TADA2A: variants seen among roughly 807,000 people sequenced by gnomAD.
The protein encoded by TADA2A is transcriptional adapter 2-alpha.
In TADA2A, 38 loss-of-function variants were observed where a neutral mutation model predicts 67.4. That is an observed-to-expected ratio of 0.56 (90% CI 0.44 to 0.74). TADA2A has a LOEUF of 0.74. Among genes scored for constraint, TADA2A ranks in the 30% least tolerant of loss-of-function variants. The pLI, the probability that TADA2A is intolerant of heterozygous loss-of-function variation, is 0.00. For synonymous variants in TADA2A, 192 were observed against 181.6 expected (o/e 1.06, Z -0.46); for missense variants, 454 against 547.0 (o/e 0.83, Z 1.70).
chr17:37,440,732 G>A lies in TADA2A; in HGVS notation c.442+70G>A, dbSNP rs572635978. The A allele has an allele frequency of 1.1e-4, 171 of 1,561,692 alleles. 1 individual carries two copies. The highest frequency in any genetic ancestry group is 1.5e-4 in the Non-Finnish European group (170 of 1,143,808). On this transcript the variant is annotated intron_variant, in intron 6 of 15. Transcript: ENST00000615182. ...GGGCCCTGTTTCAGTAGCAGATAAA[G>A]AGTGATTTGATGACTTGGACAGCTA... is the stretch of plus-strand genomic sequence containing the variant.
rs1004539539 is a variant in TADA2A, at chr17:37,406,944, G to C, written c.-103G>C. On this transcript the variant is annotated 5_prime_UTR_variant, in exon 1 of 16. Coordinates refer to ENST00000615182, the MANE Select transcript of TADA2A (RefSeq NM_001166105.3). ...TCTTTGGCGCGGATTAGGGGGTCTC[G>C]GCGAGGTGAGGCGCCAGGCAGCGCT... 11 of 119,756 alleles carry C rather than the reference G, an allele frequency of 9.2e-5. No homozygotes were observed. The highest frequency in any genetic ancestry group is 1.7e-4 in the Non-Finnish European group (10 of 58,010). 7.4% of individuals were successfully genotyped at this position (119,756 alleles called of 1,614,324 possible).
At chr17:37,459,247 C>CTTT (rs34871036) in intron 9 of TADA2A, among the ~76,000 whole-genome samples, 2 of 146,198 alleles carry the variant, frequency 1.4e-5, no homozygotes, top group African/African-American at 5.0e-5. Context: ...TATTGTTACA[C>CTTT]TTTTTTTTTT....
intron 3 of TADA2A, chr17:37,426,665 G>GAA (rs71135723): frequency 6.9e-4 from 84 of 121,530 alleles, no homozygotes; most frequent in South Asian, 2.1e-3. Context: ...CTCCGTCTCA[G>GAA]AAAAAAAAAA....
rs756556919 is a variant in TADA2A at position 37,427,017 on chromosome 17, TGAA to T, written c.192+10_192+12del. The T allele has an allele frequency of 6.4e-7, 1 of 1,571,396 alleles. No individual in the cohort carries two copies. The highest frequency in any genetic ancestry group is 1.2e-5 in the South Asian group (1 of 82,216). ...CATACTTATGAAATAATGGTAATGA[TGAA>T]GTTGCTGGGAATTTCTGTTCACTTT... On this transcript the variant is annotated intron_variant, in intron 4 of 15. Coordinates refer to ENST00000615182, the MANE Select transcript of TADA2A (RefSeq NM_001166105.3).
At chr17:37,410,106 A>G (rs1344785602) in intron 1 of TADA2A, among the ~76,000 whole-genome samples, 1 of 152,018 alleles carries the variant, frequency 6.6e-6, no homozygotes, top group African/African-American at 2.4e-5. Flanking sequence ...AATGAGAACC[A>G]AATGGAGAAT....
At chr17:37,451,056 T>C (rs982713538) in intron 8 of TADA2A, among the ~76,000 whole-genome samples, 17 of 152,068 alleles carry the variant, frequency 1.1e-4, no homozygotes, top group African/African-American at 3.6e-4. Context: ...AAACAGAGTC[T>C]CATTCTGTTG....
chr17:37,432,350 A>G (rs2052594949), intron 4 of TADA2A, among the ~76,000 whole-genome samples: 2 of 151,018 alleles, frequency 1.3e-5, no homozygotes, highest in African/African-American at 2.4e-5. Context: ...TATTTTTAGT[A>G]GAGACGGGGT....
chr17:37,460,622 G>T (rs749988893), intron 9 of TADA2A, among the ~76,000 whole-genome samples: 3 of 152,144 alleles, frequency 2.0e-5, no homozygotes, highest in Admixed American at 6.5e-5. Context: ...GGATTTCAAA[G>T]AAATTCTGAA....
chr17:37,435,316 T>C (rs2052689711), intron 4 of TADA2A, among the ~76,000 whole-genome samples: 1 of 152,140 alleles, frequency 6.6e-6, no homozygotes, highest in Non-Finnish European at 1.5e-5. Flanking sequence ...TGAAACGGAG[T>C]CTCTCTCTGT....
intron 8 of TADA2A, among the ~76,000 whole-genome samples, chr17:37,446,794 A>C (rs2053095177): frequency 6.6e-6 from 1 of 152,080 alleles, no homozygotes. Context: ...ATACTTCTCA[A>C]CATTATTAAG....
chr17:37,426,110 G>C (rs1054869814), intron 3 of TADA2A, among the ~76,000 whole-genome samples: 5 of 151,882 alleles, frequency 3.3e-5, no homozygotes, highest in Admixed American at 6.6e-5. Flanking sequence ...TGAGTAACTA[G>C]GTCTATGGGC....
chr17:37,465,485 G>A lies in TADA2A; in HGVS notation c.767G>A (p.Arg256Gln), dbSNP rs2053644618. ...CAGGACCTGTATGAAACAATGAGGC[G>A]ATTTGCAAGAATTGTGGGGCCAGTG... The part of the protein sequence containing the change: ...EVQDLYETMR[R>Q]FARIVGPVEH... The change falls in exon 11 of 16, where the codon CGA becomes CAA. Residue 256 changes from arginine to glutamine, a missense_variant. Coordinates refer to ENST00000615182, the MANE Select transcript of TADA2A (RefSeq NM_001166105.3). The A allele has an allele frequency of 4.3e-6, 7 of 1,614,072 alleles. No individual in the cohort carries two copies. Among genetic ancestry groups the A allele is most frequent in the South Asian group, 2.2e-5 (2 of 91,084 alleles).
intron 2 of TADA2A, among the ~76,000 whole-genome samples, chr17:37,418,380 TG>T: frequency 6.6e-6 from 1 of 152,246 alleles, no homozygotes; most frequent in South Asian, 2.1e-4. Context: ...AGTGGGGCAC[TG>T]GTCATTGTGG....
intron 12 of TADA2A, among the ~76,000 whole-genome samples, chr17:37,470,152 GT>G (rs1416507870): frequency 6.6e-6 from 1 of 152,010 alleles, no homozygotes; most frequent in Admixed American, 6.6e-5. Context: ...TTTTCTGTTG[GT>G]TTTTTTCCCC....
intron 8 of TADA2A, among the ~76,000 whole-genome samples, chr17:37,446,176 G>A (rs1019798426): frequency 1.3e-5 from 2 of 148,270 alleles, no homozygotes; most frequent in Admixed American, 6.8e-5. Flanking sequence ...TCAAAGTGAC[G>A]CAGATTGAAC....
intron 8 of TADA2A, among the ~76,000 whole-genome samples, chr17:37,458,282 G>C (rs2053449609): frequency 6.6e-6 from 1 of 152,196 alleles, no homozygotes; most frequent in Non-Finnish European, 1.5e-5. Context: ...ACTGCAGAAA[G>C]CAGAATTTAT....
chr17:37,443,765 T>C (rs1442167441), intron 7 of TADA2A, among the ~76,000 whole-genome samples: 2 of 152,216 alleles, frequency 1.3e-5, no homozygotes, highest in South Asian at 2.1e-4. Flanking sequence ...AGTAAAACTT[T>C]ATGTACAAAA....
chr17:37,411,614 G>C (rs2051872794), intron 2 of TADA2A, among the ~76,000 whole-genome samples: 1 of 151,768 alleles, frequency 6.6e-6, no homozygotes, highest in South Asian at 2.1e-4. Context: ...ATTTTTAGTA[G>C]AGATAGGGTT....
At chr17:37,407,734 G>T (rs1375552933) in intron 1 of TADA2A, among the ~76,000 whole-genome samples, 1 of 151,570 alleles carries the variant, frequency 6.6e-6, no homozygotes, top group Non-Finnish European at 1.5e-5. Flanking sequence ...TGCCTGAGGC[G>T]TGGGCCACCA....
Sources: gnomAD v4.1 joint callset for allele counts (sites outside exome capture counted in the v4.1 genomes callset) on GRCh38, gnomAD v4.1.1 for gene constraint, MANE v1.5 for transcripts, NCBI Gene and HGNC (gene_info 2026-07-23, HGNC 2026-07-21) for gene names.